Variants in CWF19L1 observed in about 807,000 individuals in gnomAD.
The protein encoded by CWF19L1 is CWF19 like cell cycle control factor 1.
A neutral mutation model predicts 69.7 loss-of-function variants in CWF19L1; 60 were observed. The ratio of observed to expected loss-of-function variants is 0.86; its 90% CI spans 0.70 to 1.07. The LOEUF (loss-of-function observed/expected upper bound fraction) is 1.07, where lower values mean the gene tolerates loss of function less well. CWF19L1 is among the 50% of genes least tolerant of loss of function. The pLI, the probability that CWF19L1 is intolerant of heterozygous loss-of-function variation, is 0.00. For synonymous variants in CWF19L1, 209 were observed against 222.2 expected (o/e 0.94, Z 0.53); for missense variants, 591 against 638.9 (o/e 0.92, Z 0.81).
Position 100,246,885 on chromosome 10 carries a change from T to C in CWF19L1, c.759A>G (p.Glu253=). The change falls in exon 8 of 14, where the codon GAA becomes GAG. Residue 253 remains glutamate, a synonymous_variant. Coordinates refer to ENST00000354105, the MANE Select transcript of CWF19L1 (RefSeq NM_018294.6). ...TGACATCCGGAGGCTGTTTTACCAG[T>C]TCTGCTGCATCCATTAGCTTCATGG... is the stretch of plus-strand genomic sequence containing the variant. ...IVPMKLMDAA[E]LVKQPPDVTE... is the part of the protein sequence containing the mutation. 1 of 1,613,990 alleles carries C rather than the reference T, an allele frequency of 6.2e-7. No homozygotes were observed. The highest frequency in any genetic ancestry group is 8.5e-7 in the Non-Finnish European group (1 of 1,179,866).
Position 100,256,385 on chromosome 10 carries a change from A to G in CWF19L1, c.381T>C (p.Ser127=). 1 of 1,614,142 alleles carries G rather than the reference A, an allele frequency of 6.2e-7. No individual in the cohort carries two copies. Among genetic ancestry groups the G allele is most frequent in the Non-Finnish European group, 8.5e-7 (1 of 1,179,980 alleles). The change falls in exon 5 of 14, where the codon AGT becomes AGC. Residue 127 remains serine (S), a synonymous_variant. Transcript: ENST00000354105. ...GAGAAGACACATCCTTGGGACTAAA[A>G]CTATAACCTGGTACTGGCTCATTTA... The part of the protein sequence containing the change: ...ESLNEPVPGY[S]FSPKDVSSLR...
chr10:100,246,706 A>C, intron 8 of CWF19L1, 89 bp downstream of exon 8: 3 of 1,277,100 alleles, frequency 2.3e-6, no homozygotes, highest in Non-Finnish European at 3.2e-6. Flanking sequence ...AAAAAGATTT[A>C]GATTCTAACG....
intron 6 of CWF19L1, among the ~76,000 whole-genome samples, chr10:100,251,732 C>T (rs182679761): frequency 2.8e-3 from 420 of 152,146 alleles, no homozygotes; most frequent in Non-Finnish European, 3.5e-3. Flanking sequence ...AGGATGGTCT[C>T]GATCTCCTGA....
chr10:100,266,166 T>C (rs1477767959), intron 1 of CWF19L1, among the ~76,000 whole-genome samples: 7 of 150,996 alleles, frequency 4.6e-5, no homozygotes, highest in Non-Finnish European at 1.0e-4. Context: ...AATATTTTCT[T>C]CCCAAAAGTT....
rs772771809 is a variant in CWF19L1, at chr10:100,237,288, A to G, written c.1255-319T>C. 4 of 547,952 alleles carry G rather than the reference A, an allele frequency of 7.3e-6. No homozygotes were observed. The African/African-American group carries it at 7.6e-5, about 10-fold the overall frequency. The allele number at this position is 547,952 out of a possible 1,614,324, so 33.9% of individuals were successfully genotyped here. A position where few individuals can be genotyped will look rare whatever the true frequency, so the allele number is the denominator to read the frequency against. The stretch of plus-strand genomic sequence containing the variant: ...AAAACTTAACAAATGTGCCAAAAAG[A>G]AAACCACCACAACTACAAATGATTT... On this transcript the variant is annotated intron_variant, in intron 11 of 13. Transcript: ENST00000354105.
At chr10:100,249,890 G>A (rs2134298787) in intron 7 of CWF19L1, among the ~76,000 whole-genome samples, 1 of 152,250 alleles carries the variant, frequency 6.6e-6, no homozygotes, top group South Asian at 2.1e-4. Flanking sequence ...CCAGCTCTTT[G>A]GGGTTTTCTT....
At chr10:100,256,578 T>C (rs1006803625) in intron 4 of CWF19L1, 102 bp from the exon 5 acceptor site, 1 of 872,548 alleles carries the variant, frequency 1.1e-6, no homozygotes, top group Non-Finnish European at 1.9e-6. Flanking sequence ...TCCCTGCCAT[T>C]TTACATGTCT....
chr10:100,250,947 CAAAAAAAAAAAATTAA>C (rs1313179949), intron 6 of CWF19L1, among the ~76,000 whole-genome samples: 2 of 112,628 alleles, frequency 1.8e-5, no homozygotes, highest in East Asian at 5.1e-4. Context: ...GATCTTGTCT[CAAAAAAAAAAAATTAA>C]AAAAAAAAAA....
At chr10:100,236,764 T>C in intron 12 of CWF19L1, 86 bp downstream of exon 12, 1 of 1,485,600 alleles carries the variant, frequency 6.7e-7, no homozygotes, top group Non-Finnish European at 9.0e-7. Context: ...AGCAAGACTC[T>C]GTCTCAAACA....
chr10:100,232,757 T>G lies in CWF19L1; in HGVS notation c.*470A>C, dbSNP rs1846317757. On this transcript the variant is annotated 3_prime_UTR_variant, in exon 14 of 14. Coordinates refer to ENST00000354105, the MANE Select transcript of CWF19L1 (RefSeq NM_018294.6). Reference sequence around the variant, plus strand: ...CTAGAATGACTTTTCCCCAAAAAGATTCAATCTTAGGCCTCTTGCTGTAGG... The same window carrying G: ...CTAGAATGACTTTTCCCCAAAAAGAGTCAATCTTAGGCCTCTTGCTGTAGG... 1 of 152,340 alleles carries G rather than the reference T, an allele frequency of 6.6e-6. No individual in the cohort carries two copies. Among genetic ancestry groups the G allele is most frequent in the African/African-American group, 2.4e-5 (1 of 41,460 alleles). The allele number at this position is 152,340 out of a possible 1,614,324, so 9.4% of individuals were successfully genotyped here. A position where few individuals can be genotyped will look rare whatever the true frequency, so the allele number is the denominator to read the frequency against.
At chr10:100,253,578 G>A (rs367814589) in intron 5 of CWF19L1, 39 bp from the exon 6 acceptor site, 1 of 1,135,954 alleles carries the variant, frequency 8.8e-7, no homozygotes, top group Non-Finnish European at 1.3e-6. Context: ...CAGACCAAAA[G>A]TTATCAAGAA....
Position 100,235,651 on chromosome 10 carries a change from A to C in CWF19L1, c.1472+16T>G. 2 of 1,573,680 alleles carry C rather than the reference A, an allele frequency of 1.3e-6. No individual in the cohort carries two copies. The highest frequency in any genetic ancestry group is 1.7e-6 in the Non-Finnish European group (2 of 1,146,384). On this transcript the variant is annotated intron_variant, in intron 13 of 13. Transcript: ENST00000354105. ...GCAGGTCTAGTGAAAATACATTGAA[A>C]AGAAGAAAAACATACCTTCCAAACT...
intron 4 of CWF19L1, among the ~76,000 whole-genome samples, chr10:100,257,047 C>A (rs955894091): frequency 3.9e-5 from 6 of 152,192 alleles, no homozygotes; most frequent in Admixed American, 3.3e-4. Flanking sequence ...ATTTAAGACG[C>A]CACTCTCTTC....
chr10:100,254,514 G>C (rs1589627025), intron 5 of CWF19L1: 1 of 152,106 alleles, frequency 6.6e-6, no homozygotes, highest in African/African-American at 2.4e-5. Flanking sequence ...GTATTACTTG[G>C]AAATAAGCTA....
chr10:100,248,716 C>G (rs2134296220), intron 7 of CWF19L1: 1 of 1,129,732 alleles, frequency 8.9e-7, no homozygotes, highest in East Asian at 2.4e-5. Context: ...GAGCAACGAC[C>G]TTACAGAGCA....
rs148818808 is a variant in CWF19L1 at position 100,242,396 on chromosome 10, G to A, written c.1044+1302C>T. Among the ~76,000 whole-genome samples, 425 of 152,316 alleles carry A rather than the reference G, an allele frequency of 2.8e-3. 2 individuals are homozygous for A. The highest frequency in any genetic ancestry group is 9.8e-3 in the African/African-American group (409 of 41,568). On this transcript the variant is annotated intron_variant, in intron 10 of 13. Coordinates refer to ENST00000354105, the MANE Select transcript of CWF19L1 (RefSeq NM_018294.6). ...AATTCCAGATAAAAATTCATAGGCCGGGGGTGGTGGCTCACGCCTGTAATC... is the reference window on the plus strand; with the variant it reads ...AATTCCAGATAAAAATTCATAGGCCAGGGGTGGTGGCTCACGCCTGTAATC...
chr10:100,260,943 T>C lies in CWF19L1; in HGVS notation c.187+23A>G, dbSNP rs188420737. ...TTGAAATTTTATTAGAAATCATATG[T>C]TAAATAAAAATAATTTCTATACCTT... On this transcript the variant is annotated intron_variant, in intron 3 of 13. Transcript: ENST00000354105. 6.0e-5 allele frequency: 89 copies of C among 1,473,320 alleles called. No individual in the cohort carries two copies. In the East Asian group the frequency reaches 2.1e-3, roughly 35 times the overall value. The allele number at this position is 1,473,320 out of a possible 1,614,324, so 91.3% of individuals were successfully genotyped here. A position where few individuals can be genotyped will look rare whatever the true frequency, so the allele number is the denominator to read the frequency against.
chr10:100,257,114 C>G (rs1847237530), intron 4 of CWF19L1, among the ~76,000 whole-genome samples: 1 of 152,098 alleles, frequency 6.6e-6, no homozygotes, highest in South Asian at 2.1e-4. Flanking sequence ...CCTTCAAGAC[C>G]TTGCTCCATC....
At chr10:100,260,180 CAAAAAACA>C in intron 4 of CWF19L1, 30 bp downstream of exon 4, 4 of 1,450,014 alleles carry the variant, frequency 2.8e-6, no homozygotes, top group Non-Finnish European at 3.8e-6. Flanking sequence ...AAACAAAAAA[CAAAAAACA>C]AAAAAAAAAT....
Sources: allele counts gnomAD v4.1 joint callset (sites outside exome capture counted in the v4.1 genomes callset), GRCh38; gene constraint gnomAD v4.1.1; transcripts MANE v1.5; gene names NCBI Gene and HGNC (gene_info 2026-07-23, HGNC 2026-07-21).